DNAJC6: variants seen among roughly 807,000 people sequenced by gnomAD.
The protein encoded by DNAJC6 is auxilin.
Under a neutral mutation model 110.0 loss-of-function variants are expected in DNAJC6, and 34 were observed. The ratio of observed to expected loss-of-function variants is 0.31; its 90% CI spans 0.24 to 0.41. The LOEUF (loss-of-function observed/expected upper bound fraction) is 0.41. Ranked by LOEUF, DNAJC6 falls within the 10% of genes least tolerant of loss-of-function variation. The pLI, the probability that DNAJC6 is intolerant of heterozygous loss-of-function variation, is 1.00. For missense variants in DNAJC6, 1,031 were observed against 1,207.8 expected (o/e 0.85, Z 2.17); for synonymous variants, 406 against 437.2 (o/e 0.93, Z 0.89).
chr1:65,381,205 A>G (rs972461624), intron 5 of DNAJC6, among the ~76,000 whole-genome samples: 1 of 151,656 alleles, frequency 6.6e-6, no homozygotes, highest in Non-Finnish European at 1.5e-5. Context: ...GCGTGACCCC[A>G]CCAGGCCTCT....
intron 1 of DNAJC6, among the ~76,000 whole-genome samples, chr1:65,330,407 A>G (rs575250368): frequency 1.3e-5 from 2 of 152,286 alleles, no homozygotes; most frequent in East Asian, 1.9e-4. Context: ...GTTTGGTTGC[A>G]TATGTCACAA....
intron 1 of DNAJC6, among the ~76,000 whole-genome samples, chr1:65,300,504 A>G (rs1644969288): frequency 6.6e-6 from 1 of 152,190 alleles, no homozygotes; most frequent in Non-Finnish European, 1.5e-5. Flanking sequence ...CAGGTCCAAG[A>G]CATGAAAGAG....
chr1:65,396,722 ATC>A (rs980102012), intron 13 of DNAJC6, among the ~76,000 whole-genome samples: 7 of 151,586 alleles, frequency 4.6e-5, no homozygotes, highest in Admixed American at 3.3e-4. Flanking sequence ...TTTTTTTGTC[ATC>A]TCTCTCTCTC....
intron 14 of DNAJC6, 105 bp downstream of exon 14, chr1:65,398,986 T>C: frequency 8.8e-7 from 1 of 1,137,126 alleles, no homozygotes; most frequent in Non-Finnish European, 1.3e-6. Context: ...ACCTGTGTAA[T>C]TTGTGTCACT....
Position 65,386,843 on chromosome 1 carries a change from A to C in DNAJC6, c.1027A>C (p.Ile343Leu). 6.2e-7 allele frequency: 1 copy of C among 1,614,138 alleles called. No homozygotes were observed. The highest frequency in any genetic ancestry group is 8.5e-7 in the Non-Finnish European group (1 of 1,180,000). ...EYRVQDGKIFIPLNITVQGDV... is the reference protein window; with the variant it reads ...EYRVQDGKIFLPLNITVQGDV... Reference sequence around the variant, plus strand: ...TCGTGTCCAAGATGGAAAAATCTTCATTCCCTTGAACATCACTGTGCAAGG... The same window carrying C: ...TCGTGTCCAAGATGGAAAAATCTTCCTTCCCTTGAACATCACTGTGCAAGG... Residue 343 changes from isoleucine (I) to leucine (L), a missense_variant, in exon 8 of 19, where the codon ATT becomes CTT. Physicochemically the swap from Ile to Leu is conservative, Grantham distance 5 (BLOSUM62 2). Transcript: ENST00000371069.
At chr1:65,269,273 CAA>C in intron 1 of DNAJC6, among the ~76,000 whole-genome samples, 1 of 151,176 alleles carries the variant, frequency 6.6e-6, no homozygotes, top group East Asian at 1.9e-4. Context: ...GAGGCTGAGA[CAA>C]GAGAATCGCT....
intron 1 of DNAJC6, among the ~76,000 whole-genome samples, chr1:65,333,484 C>T (rs1466007809): frequency 6.6e-6 from 1 of 152,082 alleles, no homozygotes; most frequent in Non-Finnish European, 1.5e-5. Flanking sequence ...GTCTTCATTT[C>T]ACAGCTGAGG....
At chr1:65,405,217 T>C (rs775739626) in intron 15 of DNAJC6, among the ~76,000 whole-genome samples, 14 of 152,198 alleles carry the variant, frequency 9.2e-5, no homozygotes, top group Non-Finnish European at 1.9e-4. Context: ...TTTTCAAAGC[T>C]TGAATAAGAT....
intron 12 of DNAJC6, 125 bp downstream of exon 12, chr1:65,392,990 G>C (rs550122965): frequency 1.2e-6 from 1 of 851,918 alleles, no homozygotes; most frequent in Non-Finnish European, 1.6e-6. Flanking sequence ...CTTTAGAGGA[G>C]GTCTGTATCT....
At chr1:65,367,069 A>G (rs1276062637) in intron 4 of DNAJC6, among the ~76,000 whole-genome samples, 2 of 152,146 alleles carry the variant, frequency 1.3e-5, no homozygotes, top group Admixed American at 6.6e-5. Context: ...TACATGCTTT[A>G]TATGGCTCCT....
chr1:65,402,717 G>T (rs1402382229), intron 15 of DNAJC6, among the ~76,000 whole-genome samples: 1 of 152,208 alleles, frequency 6.6e-6, no homozygotes. Flanking sequence ...AGAGCCAGAT[G>T]GAGGGAATGT....
At chr1:65,325,933 A>G (rs1375303337) in intron 1 of DNAJC6, among the ~76,000 whole-genome samples, 1 of 152,262 alleles carries the variant, frequency 6.6e-6, no homozygotes, top group Non-Finnish European at 1.5e-5. Context: ...CTAAATATAG[A>G]AAAGGTAATG....
At chr1:65,347,129 C>T (rs191084415) in intron 1 of DNAJC6, among the ~76,000 whole-genome samples, 4 of 152,274 alleles carry the variant, frequency 2.6e-5, no homozygotes, top group Admixed American at 2.0e-4. Flanking sequence ...GGAAATATGG[C>T]AGGTCCAAAT....
At chr1:65,350,932 T>C (rs1002720391) in intron 1 of DNAJC6, among the ~76,000 whole-genome samples, 2 of 152,164 alleles carry the variant, frequency 1.3e-5, no homozygotes, top group African/African-American at 4.8e-5. Context: ...TGTGAAGTCT[T>C]ACTCTCTATA....
At chr1:65,393,363 A>G (rs955555964) in intron 12 of DNAJC6, among the ~76,000 whole-genome samples, 1 of 152,222 alleles carries the variant, frequency 6.6e-6, no homozygotes, top group Non-Finnish European at 1.5e-5. Context: ...AGTAATTGAT[A>G]AGGCCAGTGT....
chr1:65,312,718 T>C (rs757906888), intron 1 of DNAJC6, among the ~76,000 whole-genome samples: 2 of 152,210 alleles, frequency 1.3e-5, no homozygotes, highest in Non-Finnish European at 2.9e-5. Context: ...TTTTATTAAA[T>C]AGGTTGGGGA....
At chr1:65,296,568 T>G (rs1375163272) in intron 1 of DNAJC6, among the ~76,000 whole-genome samples, 1 of 151,584 alleles carries the variant, frequency 6.6e-6, no homozygotes, top group Non-Finnish European at 1.5e-5. Context: ...GCAGTAGTTA[T>G]TCATTCATTC....
intron 1 of DNAJC6, among the ~76,000 whole-genome samples, chr1:65,317,104 A>C (rs1005791318): frequency 2.6e-5 from 4 of 152,170 alleles, no homozygotes; most frequent in Middle Eastern, 3.2e-3. Context: ...GGCCGTCTGC[A>C]GTTGTATATA....
intron 1 of DNAJC6, chr1:65,345,701 A>G: frequency 1.0e-6 from 1 of 984,454 alleles, no homozygotes. Flanking sequence ...GAGGGTAGGA[A>G]CCAACCTCCT....
Sources: gnomAD v4.1 joint callset for allele counts (sites outside exome capture counted in the v4.1 genomes callset) on GRCh38, gnomAD v4.1.1 for gene constraint, MANE v1.5 for transcripts, NCBI Gene and HGNC (gene_info 2026-07-23, HGNC 2026-07-21) for gene names.